The following ZNF227 variants were observed in gnomAD, a reference collection of about 807,000 sequenced individuals.
The protein encoded by ZNF227 is zinc finger protein 227.
ZNF227 carries 12 observed loss-of-function variants against 13.2 expected under a neutral mutation model. The ratio of observed to expected loss-of-function variants is 0.91; its 90% CI spans 0.58 to 1.47. The LOEUF is 1.47. Ranked by LOEUF, ZNF227 falls within the 40% of genes most tolerant of loss-of-function variation. ZNF227 has a pLI of 0.00. For missense variants in ZNF227, 885 were observed against 967.5 expected, an observed-to-expected ratio of 0.91 and a Z score of 1.13; for synonymous variants, 338 against 326.0, an observed-to-expected ratio of 1.04 and a Z score of -0.40.
chr19:44,212,798 G>C (rs990534669), intron 1 of ZNF227: 1 of 152,180 alleles, frequency 6.6e-6, no homozygotes, highest in African/African-American at 2.4e-5. Flanking sequence ...CCTATGATCC[G>C]CGCTCCTGTT....
intron 5 of ZNF227, among the ~76,000 whole-genome samples, chr19:44,230,929 A>AAAAAAAAAAT: frequency 1.4e-5 from 1 of 70,644 alleles, no homozygotes; most frequent in African/African-American, 6.4e-5. Context: ...AAAAAAAAAT[A>AAAAAAAAAAT]TATATATATA....
chr19:44,221,044 T>C (rs2122739830), intron 3 of ZNF227, among the ~76,000 whole-genome samples: 1 of 152,062 alleles, frequency 6.6e-6, no homozygotes, highest in East Asian at 1.9e-4. Context: ...ATTTTCTTAA[T>C]CCAGTCTATC....
At chr19:44,220,524 A>G (rs1007778280) in intron 3 of ZNF227, among the ~76,000 whole-genome samples, 10 of 151,974 alleles carry the variant, frequency 6.6e-5, no homozygotes, top group Non-Finnish European at 1.2e-4. Flanking sequence ...CAGTATCCAC[A>G]TCTATACAAT....
intron 2 of ZNF227, among the ~76,000 whole-genome samples, chr19:44,213,989 TGTAA>T (rs1971585466): frequency 1.3e-5 from 2 of 152,248 alleles, no homozygotes; most frequent in Admixed American, 6.5e-5. Context: ...TGAGATGTGC[TGTAA>T]GTGTTAAATA....
intron 2 of ZNF227, 83 bp from the exon 3 acceptor site, chr19:44,217,708 T>G: frequency 7.0e-7 from 1 of 1,426,344 alleles, no homozygotes; most frequent in Non-Finnish European, 9.9e-7. Context: ...TGTCTGAATG[T>G]AGGGCTATTT....
chr19:44,217,420 T>A, intron 2 of ZNF227: 2 of 485,706 alleles, frequency 4.1e-6, no homozygotes, highest in Non-Finnish European at 8.1e-6. Flanking sequence ...ATTGTACACA[T>A]AACAGAAGTG....
upstream of ZNF227, among the ~76,000 whole-genome samples, chr19:44,208,864 A>C (rs544929886): frequency 5.9e-4 from 90 of 152,356 alleles, no homozygotes; most frequent in African/African-American, 2.0e-3. Context: ...GAGATTAGAA[A>C]ATACAGAAAT....
At chr19:44,228,103 C>T (rs181461158) in intron 3 of ZNF227, 134 of 174,072 alleles carry the variant, frequency 7.7e-4, no homozygotes, top group African/African-American at 2.3e-3. Context: ...TGGTAGTAGA[C>T]GCCTGTAATC....
In ZNF227 at chr19:44,235,208, A is replaced by G; in HGVS notation, c.778A>G (p.Ser260Gly). ...ATGTGGTGAGTGTGGAAGGGGCTTC[A>G]GTTATAGCCCAAGGCTTCCCCTTCA... ...HPCGECGRGF[S>G]YSPRLPLHPN... The change falls in exon 6 of 6, where the codon AGT becomes GGT. Residue 260 changes from serine (S) to glycine (G), a missense_variant. By Grantham distance (56) the Ser-to-Gly change is moderately conservative (BLOSUM62 0). Transcript: ENST00000313040. 6.2e-7 allele frequency: 1 copy of G among 1,614,156 alleles called. No individual in the cohort carries two copies.
rs781609102 is a variant in ZNF227, at chr19:44,228,480, TCTC to T, written c.97_99del (p.Ser33del). 692 of 1,613,582 alleles carry T rather than the reference TCTC, an allele frequency of 4.3e-4. 1 individual carries two copies. The highest frequency in any genetic ancestry group is 5.7e-4 in the Non-Finnish European group (672 of 1,179,908). ...ACATTCAAGGATGTGGCTGTGGTCT[TCTC>T]CAGGGAGGAACTGCGACTGCTCGAT... On this transcript the variant is annotated inframe_deletion, in exon 4 of 6. Transcript: ENST00000313040.
intron 3 of ZNF227, among the ~76,000 whole-genome samples, chr19:44,222,292 C>T (rs1335604608): frequency 1.3e-5 from 2 of 152,114 alleles, no homozygotes; most frequent in Non-Finnish European, 2.9e-5. Flanking sequence ...TTTTCCTATT[C>T]TGTGAAGAAA....
rs754595127 is a variant in ZNF227 at position 44,234,955 on chromosome 19, G to A, written c.525G>A (p.Gln175=). 1.9e-6 allele frequency: 3 copies of A among 1,613,996 alleles called. No homozygotes were observed. The highest frequency in any genetic ancestry group is 2.5e-6 in the Non-Finnish European group (3 of 1,179,994). ...AAGAGTTTCCATTTTGGAGAACCCA[G>A]CATTCTTGCGGGAATACATATCTGA... is the stretch of plus-strand genomic sequence containing the variant. The part of the protein sequence containing the change: ...ENQEFPFWRT[Q]HSCGNTYLSE... Residue 175 remains glutamine, a synonymous_variant, in exon 6 of 6, where the codon CAG becomes CAA. Coordinates refer to ENST00000313040, the MANE Select transcript of ZNF227 (RefSeq NM_182490.3).
At chr19:44,221,900 A>G (rs1301112318) in intron 3 of ZNF227, among the ~76,000 whole-genome samples, 2 of 152,098 alleles carry the variant, frequency 1.3e-5, no homozygotes, top group Non-Finnish European at 2.9e-5. Context: ...TTTTAGGTCT[A>G]ATGTTTAAGT....
chr19:44,217,930 TG>T, intron 3 of ZNF227, 78 bp downstream of exon 3: 1 of 1,550,368 alleles, frequency 6.5e-7, no homozygotes, highest in Non-Finnish European at 8.9e-7. Context: ...TTCTCTTTCT[TG>T]GAAAGGTTAG....
upstream of ZNF227, among the ~76,000 whole-genome samples, chr19:44,210,926 G>T (rs537323823): frequency 1.8e-3 from 268 of 152,256 alleles, no homozygotes; most frequent in Non-Finnish European, 3.0e-3. Context: ...AAGTGTGGTG[G>T]CTCATGCCTG....
chr19:44,213,930 T>C (rs1235930980), intron 2 of ZNF227, among the ~76,000 whole-genome samples: 3 of 152,242 alleles, frequency 2.0e-5, no homozygotes, highest in East Asian at 3.8e-4. Context: ...ATCCAGTAGC[T>C]ATAAGCCATG....
At chr19:44,231,104 G>C (rs1209964048) in intron 5 of ZNF227, among the ~76,000 whole-genome samples, 1 of 150,866 alleles carries the variant, frequency 6.6e-6, no homozygotes, top group Non-Finnish European at 1.5e-5. Flanking sequence ...GATATTCCTA[G>C]ATGATGTGAA....
chr19:44,235,911 GTAA>G lies in ZNF227; in HGVS notation c.1482_1484del (p.Cys494_Lys495delinsTrp). On this transcript the variant is annotated inframe_deletion, in exon 6 of 6. Coordinates refer to ENST00000313040, the MANE Select transcript of ZNF227 (RefSeq NM_182490.3). Reference sequence around the variant, plus strand: ...CACACGGGAGAGAAACCCTATAAATGTAAGGAGTGTGGTAAGGGCTTCAGTCAG... The same window carrying G: ...CACACGGGAGAGAAACCCTATAAATGGGAGTGTGGTAAGGGCTTCAGTCAG... The G allele has an allele frequency of 6.2e-7, 1 of 1,614,160 alleles. No homozygotes were observed. The highest frequency in any genetic ancestry group is 1.7e-5 in the Admixed American group (1 of 60,022).
In ZNF227 at chr19:44,213,088, A is replaced by G. The variant is rs1435114433; in HGVS notation, c.-157-2A>G. 1.3e-5 allele frequency: 2 copies of G among 151,836 alleles called. No individual in the cohort carries two copies. Among genetic ancestry groups the G allele is most frequent in the Non-Finnish European group, 2.9e-5 (2 of 67,944 alleles). 9.4% of individuals were successfully genotyped at this position (151,836 alleles called of 1,614,324 possible). ...TTACAGATCTTTTTTTTTTTTAAGA[A>G]GGATTGAGTCATCGGGCTCCAATGC... On this transcript the variant is annotated splice_acceptor_variant, in intron 1 of 5. Transcript: ENST00000313040. LOFTEE classifies it low-confidence loss of function (5UTR_SPLICE).
Sources: allele counts gnomAD v4.1 joint callset (sites outside exome capture counted in the v4.1 genomes callset), GRCh38; gene constraint gnomAD v4.1.1; transcripts MANE v1.5; gene names NCBI Gene and HGNC (gene_info 2026-07-23, HGNC 2026-07-21).